ZNF248: variants seen among roughly 807,000 people sequenced by gnomAD.
ZNF248 encodes the protein KRAB protein domain.
In ZNF248, 20 loss-of-function variants were observed where a neutral mutation model predicts 44.3. The ratio of observed to expected loss-of-function variants is 0.45; its 90% CI spans 0.32 to 0.66. The LOEUF (loss-of-function observed/expected upper bound fraction) is 0.66, where lower values mean the gene tolerates loss of function less well. Ranked by LOEUF, ZNF248 falls within the 30% of genes least tolerant of loss-of-function variation. ZNF248 has a pLI of 0.04. For missense variants in ZNF248, 654 were observed against 677.0 expected (o/e 0.97, Z 0.38); for synonymous variants, 224 against 229.0 (o/e 0.98, Z 0.20).
intron 3 of ZNF248, among the ~76,000 whole-genome samples, chr10:37,852,129 C>T (rs1047034224): frequency 2.6e-5 from 4 of 151,996 alleles, no homozygotes; most frequent in Non-Finnish European, 4.4e-5. Context: ...TGCCTGTAAT[C>T]CCAGCTACTC....
At chr10:37,806,973 T>G (rs182337428) in intron 6 of ZNF248, among the ~76,000 whole-genome samples, 1 of 140,750 alleles carries the variant, frequency 7.1e-6, no homozygotes, top group East Asian at 2.2e-4. Context: ...CAATACCCAG[T>G]TTTCCCAGCA....
chr10:37,832,300 TAA>T lies in ZNF248; in HGVS notation c.1053_1054del (p.Tyr352Ter), dbSNP rs769427689. 1 of 1,614,060 alleles carries T rather than the reference TAA, an allele frequency of 6.2e-7. No individual in the cohort carries two copies. Among genetic ancestry groups the T allele is most frequent in the Non-Finnish European group, 8.5e-7 (1 of 1,179,954 alleles). ...ATTACTCCCATTTTCATTGTAATCA[TAA>T]GACTTTCCCCCCATGTGTACTATTT... is the stretch of plus-strand genomic sequence containing the variant. On this transcript the variant is annotated frameshift_variant, in exon 6 of 6. Transcript: ENST00000395867. LOFTEE classifies it high-confidence loss of function.
chr10:37,825,213 T>A (rs1217546318), downstream of ZNF248, among the ~76,000 whole-genome samples: 2 of 152,124 alleles, frequency 1.3e-5, no homozygotes, highest in African/African-American at 4.8e-5. Context: ...CTTCCATGAC[T>A]AGCTATTATA....
downstream of ZNF248, among the ~76,000 whole-genome samples, chr10:37,828,596 C>G (rs980036725): frequency 3.9e-5 from 6 of 152,122 alleles, no homozygotes; most frequent in African/African-American, 1.4e-4. Context: ...CTCTGCAGAG[C>G]CAGGATTGGG....
chr10:37,820,099 TC>T (rs1230933231), intron 6 of ZNF248: 1 of 893,654 alleles, frequency 1.1e-6, no homozygotes, highest in Admixed American at 1.7e-5. Flanking sequence ...TTGCTGTTCA[TC>T]AATCTGCTGT....
chr10:37,856,503 TTTC>T lies in ZNF248; in HGVS notation c.-99_-97del. On this transcript the variant is annotated 5_prime_UTR_variant, in exon 2 of 6. Transcript: ENST00000395867. ...ACTTTTCACTGAGTGAATGTAAATA[TTTC>T]TTATTGATTTATTACCAATTTAGGT... The T allele has an allele frequency of 8.1e-7, 1 of 1,240,368 alleles. No individual in the cohort carries two copies. Among genetic ancestry groups the T allele is most frequent in the South Asian group, 3.7e-5 (1 of 27,064 alleles). The allele number at this position is 1,240,368 out of a possible 1,614,324, so 76.8% of individuals were successfully genotyped here.
chr10:37,804,349 CTTAA>C (rs1213590689), intron 6 of ZNF248, among the ~76,000 whole-genome samples: 12 of 152,080 alleles, frequency 7.9e-5, no homozygotes, highest in African/African-American at 1.9e-4. Flanking sequence ...AGCATTACTA[CTTAA>C]TTACTGAGTA....
chr10:37,768,341 C>T, the ZNF248 span, among the ~76,000 whole-genome samples: 7 of 152,134 alleles, frequency 4.6e-5, no homozygotes, highest in East Asian at 1.4e-3. Context: ...CAGCACCACA[C>T]CTATTCCAAA....
intron 6 of ZNF248, among the ~76,000 whole-genome samples, chr10:37,778,960 C>G (rs2132840605): frequency 6.6e-6 from 1 of 152,164 alleles, no homozygotes; most frequent in South Asian, 2.1e-4. Context: ...CAAGACTAAA[C>G]CAGGAAGAAG....
chr10:37,805,516 C>T (rs1354500034), intron 6 of ZNF248, among the ~76,000 whole-genome samples: 1 of 152,182 alleles, frequency 6.6e-6, no homozygotes, highest in Non-Finnish European at 1.5e-5. Context: ...ACAACTGTAA[C>T]CCATCAAATA....
chr10:37,780,857 G>A (rs1197597248), intron 6 of ZNF248, among the ~76,000 whole-genome samples: 1 of 152,112 alleles, frequency 6.6e-6, no homozygotes, highest in Non-Finnish European at 1.5e-5. Flanking sequence ...GGCTGAATCC[G>A]CTCCCGGAGT....
In ZNF248 at chr10:37,833,238, T is replaced by G; in HGVS notation, c.239-122A>C. ...TTGTTTTAAATTCAGTTTCCTGGTGTGAACTGAGTTCAAGTGTACATTTTC... is the reference window on the plus strand; with the variant it reads ...TTGTTTTAAATTCAGTTTCCTGGTGGGAACTGAGTTCAAGTGTACATTTTC... On this transcript the variant is annotated intron_variant, in intron 5 of 5. Coordinates refer to ENST00000395867, the MANE Select transcript of ZNF248 (RefSeq NM_021045.3). 3 of 1,360,200 alleles carry G rather than the reference T, an allele frequency of 2.2e-6. No individual in the cohort carries two copies. In the South Asian group the frequency reaches 5.3e-5, roughly 24 times the overall value. The allele number at this position is 1,360,200 out of a possible 1,614,324, so 84.3% of individuals were successfully genotyped here. A position where few individuals can be genotyped will look rare whatever the true frequency, so the allele number is the denominator to read the frequency against.
chr10:37,775,348 C>A (rs1168547434), downstream of ZNF248: 1 of 152,068 alleles, frequency 6.6e-6, no homozygotes, highest in Non-Finnish European at 1.5e-5. Context: ...ACTCACCTGG[C>A]ATTTGCTTTT....
intron 6 of ZNF248, among the ~76,000 whole-genome samples, chr10:37,813,993 G>C (rs932845615): frequency 2.6e-5 from 4 of 152,164 alleles, no homozygotes; most frequent in Non-Finnish European, 5.9e-5. Context: ...TTTGATTGAA[G>C]AATTTAAGCC....
downstream of ZNF248, among the ~76,000 whole-genome samples, chr10:37,771,735 T>G (rs2046243882): frequency 6.6e-6 from 1 of 151,946 alleles, no homozygotes; most frequent in South Asian, 2.1e-4. Flanking sequence ...GTAACAAACC[T>G]GCACATTGTG....
chr10:37,823,419 A>ACAACATTC (rs1564539121), intron 6 of ZNF248, among the ~76,000 whole-genome samples: 1 of 151,530 alleles, frequency 6.6e-6, no homozygotes, highest in Admixed American at 6.6e-5. Context: ...GTATTATGTC[A>ACAACATTC]CAACATTCCA....
At chr10:37,856,585 G>T in intron 1 of ZNF248, 53 bp from the exon 2 acceptor site, 1 of 1,114,106 alleles carries the variant, frequency 9.0e-7, no homozygotes. Context: ...CAAGTTAACA[G>T]TAATCTGAAG....
upstream of ZNF248, chr10:37,857,740 C>T (rs1195178524): frequency 3.9e-5 from 6 of 152,544 alleles, no homozygotes; most frequent in Non-Finnish European, 5.9e-5. Context: ...GTTCCCTCCC[C>T]TTCGGGCCAG....
chr10:37,783,051 T>C (rs2047498213), intron 6 of ZNF248, among the ~76,000 whole-genome samples: 1 of 152,174 alleles, frequency 6.6e-6, no homozygotes, highest in African/African-American at 2.4e-5. Flanking sequence ...TTGAGGATAC[T>C]ACCAGCATTG....
Sources: gnomAD v4.1 joint callset for allele counts (sites outside exome capture counted in the v4.1 genomes callset) on GRCh38, gnomAD v4.1.1 for gene constraint, MANE v1.5 for transcripts, NCBI Gene and HGNC (gene_info 2026-07-23, HGNC 2026-07-21) for gene names.